UBE2D2: variants seen among roughly 807,000 people sequenced by gnomAD.
UBE2D2 encodes ubiquitin conjugating enzyme E2 D2.
In UBE2D2, 2 loss-of-function variants were observed where a neutral mutation model predicts 24.2. The observed-to-expected ratio is 0.08, with a 90% CI of 0.03 to 0.26. The LOEUF (loss-of-function observed/expected upper bound fraction) is 0.26. Among genes scored for constraint, UBE2D2 ranks in the 10% least tolerant of loss-of-function variants. UBE2D2 has a pLI of 1.00. For synonymous variants in UBE2D2, 58 were observed against 56.5 expected, an observed-to-expected ratio of 1.03 and a Z score of -0.12; for missense variants, 44 against 177.6, an observed-to-expected ratio of 0.25 and a Z score of 4.28.
In UBE2D2 at chr5:139,548,193, A is replaced by AAAAAAAAAAAAAAAAATAAAT; in HGVS notation, c.-64+21584_-64+21585insAAAAAAAAAAAAATAAATAAA. ...AAAAAAAAAAAAAAAATAAAAAAAA[A>AAAAAAAAAAAAAAAAATAAAT]AAATAAATAAATAAATAAATAAACG... On this transcript the variant is annotated intron_variant, in intron 1 of 6. Coordinates refer to the UBE2D2 transcript ENST00000511725. Among the ~76,000 whole-genome samples the AAAAAAAAAAAAAAAAATAAAT allele has an allele frequency of 1.2e-3, 55 of 47,062 alleles. 3 individuals carry two copies. The highest frequency in any genetic ancestry group is 1.6e-3 in the Non-Finnish European group (43 of 26,330). 30.9% of individuals were successfully genotyped at this position (47,062 alleles called of 152,430 possible).
intron 1 of UBE2D2, among the ~76,000 whole-genome samples, chr5:139,562,810 G>A (rs954590271): frequency 4.6e-5 from 7 of 151,936 alleles, no homozygotes; most frequent in African/African-American, 1.5e-4. Flanking sequence ...TTCTGATGTT[G>A]TAACCTCTTA....
intron 4 of UBE2D2, 31 bp from the exon 5 acceptor site, chr5:139,614,830 A>G (rs1179633293): frequency 1.2e-6 from 2 of 1,611,278 alleles, no homozygotes; most frequent in Non-Finnish European, 1.7e-6. Flanking sequence ...CTAATAAACT[A>G]GTTTACAGAA....
At chr5:139,533,786 C>CT (rs35051568) in intron 1 of UBE2D2, among the ~76,000 whole-genome samples, 17,451 of 145,174 alleles carry the variant, frequency 0.12, 1,137 homozygotes, top group African/African-American at 0.17. Context: ...TAAAAAACAT[C>CT]TTTTTTTTTT....
intron 1 of UBE2D2, among the ~76,000 whole-genome samples, chr5:139,569,570 A>G (rs980199367): frequency 2.6e-5 from 4 of 152,238 alleles, no homozygotes; most frequent in Non-Finnish European, 2.9e-5. Flanking sequence ...TTTGATGGTT[A>G]GATTTCCAGG....
At chr5:139,619,629 C>CGAGATGCGCAGATCACT (rs1198606488) in intron 5 of UBE2D2, among the ~76,000 whole-genome samples, 1 of 151,988 alleles carries the variant, frequency 6.6e-6, no homozygotes, top group Non-Finnish European at 1.5e-5. Flanking sequence ...TTTGGGAGGC[C>CGAGATGCGCAGATCACT]GAGATGCGCA....
chr5:139,561,742 T>G lies in UBE2D2; in HGVS notation c.-50T>G, dbSNP rs1217310279. The G allele has an allele frequency of 1.0e-4, 127 of 1,219,216 alleles. No homozygotes were observed. The highest frequency in any genetic ancestry group is 2.0e-4 in the African/African-American group (12 of 60,188). The allele number at this position is 1,219,216 out of a possible 1,614,324, so 75.5% of individuals were successfully genotyped here. A position where few individuals can be genotyped will look rare whatever the true frequency, so the allele number is the denominator to read the frequency against. On this transcript the variant is annotated 5_prime_UTR_variant, in exon 1 of 7. Transcript: ENST00000398733. Reference sequence around the variant, plus strand: ...GGCTCCCTAGCCCCTTCCCCGTCCCTTCCCCGCCCCCGTCCCCGCCCCGGG... The same window carrying G: ...GGCTCCCTAGCCCCTTCCCCGTCCCGTCCCCGCCCCCGTCCCCGCCCCGGG...
intron 1 of UBE2D2, among the ~76,000 whole-genome samples, chr5:139,574,016 T>C (rs1366557520): frequency 6.6e-6 from 1 of 151,504 alleles, no homozygotes; most frequent in East Asian, 1.9e-4. Context: ...CTCCTAGATA[T>C]AAGTCAATTG....
At chr5:139,549,346 A>T (rs1752874789) in intron 1 of UBE2D2, among the ~76,000 whole-genome samples, 1 of 152,118 alleles carries the variant, frequency 6.6e-6, no homozygotes, top group African/African-American at 2.4e-5. Flanking sequence ...GTGTGGAGGG[A>T]GAGGCCCAGG....
At chr5:139,625,279 T>G (rs1001896848) in intron 6 of UBE2D2, among the ~76,000 whole-genome samples, 7 of 129,970 alleles carry the variant, frequency 5.4e-5, no homozygotes, top group African/African-American at 1.7e-4. Context: ...CTAATTTGTT[T>G]TTTTTTTTTT....
At chr5:139,543,676 G>A (rs1049755321) in intron 1 of UBE2D2, among the ~76,000 whole-genome samples, 2 of 152,224 alleles carry the variant, frequency 1.3e-5, no homozygotes, top group African/African-American at 2.4e-5. Flanking sequence ...AAAGTGATAC[G>A]GTTCACGCCG....
intron 1 of UBE2D2, among the ~76,000 whole-genome samples, chr5:139,529,190 T>C (rs1403570614): frequency 6.6e-6 from 1 of 152,132 alleles, no homozygotes; most frequent in Non-Finnish European, 1.5e-5. Context: ...TAACACTCAG[T>C]ATAAAGTAGG....
upstream of UBE2D2, among the ~76,000 whole-genome samples, chr5:139,557,610 G>A (rs1389700506): frequency 7.9e-5 from 12 of 151,652 alleles, no homozygotes; most frequent in Non-Finnish European, 2.9e-5. Context: ...TTAGCCAGGC[G>A]TTGTGGTGCA....
At chr5:139,548,951 C>T (rs1278941847) in intron 1 of UBE2D2, among the ~76,000 whole-genome samples, 1 of 151,810 alleles carries the variant, frequency 6.6e-6, no homozygotes, top group Non-Finnish European at 1.5e-5. Context: ...CGGGTTCAAG[C>T]GATTCTCCTG....
At chr5:139,589,286 C>T (rs569467991) in intron 1 of UBE2D2, among the ~76,000 whole-genome samples, 3 of 151,708 alleles carry the variant, frequency 2.0e-5, no homozygotes, top group Non-Finnish European at 2.9e-5. Flanking sequence ...AGCCCGGGCA[C>T]GGTGGCTCGT....
chr5:139,540,993 C>CA (rs969269701), intron 1 of UBE2D2, among the ~76,000 whole-genome samples: 103 of 137,020 alleles, frequency 7.5e-4, no homozygotes, highest in East Asian at 1.3e-3. Flanking sequence ...AACTCAGTCT[C>CA]AAAAAAAAAA....
intron 1 of UBE2D2, among the ~76,000 whole-genome samples, chr5:139,549,221 G>A (rs555076566): frequency 1.3e-5 from 2 of 152,246 alleles, no homozygotes; most frequent in African/African-American, 2.4e-5. Flanking sequence ...GCGCCTCCTC[G>A]GCCTCGGCGT....
At chr5:139,550,701 T>C (rs1476235782) in intron 1 of UBE2D2, among the ~76,000 whole-genome samples, 7 of 150,996 alleles carry the variant, frequency 4.6e-5, no homozygotes, top group East Asian at 2.0e-4. Context: ...ACCGAGACCA[T>C]GAACCCATGG....
At chr5:139,568,205 G>A (rs1306165945) in intron 1 of UBE2D2, among the ~76,000 whole-genome samples, 2 of 152,002 alleles carry the variant, frequency 1.3e-5, no homozygotes, top group African/African-American at 4.8e-5. Context: ...TTAGCCAGGT[G>A]TGGTGGCACT....
At position 139,591,021 on chromosome 5, in the gene UBE2D2, T is replaced by C. The variant is rs183020134; in HGVS notation, c.25-9351T>C. Among the ~76,000 whole-genome samples the C allele has an allele frequency of 1.3e-3, 203 of 151,458 alleles. 1 individual carries two copies. Among genetic ancestry groups the C allele is most frequent in the African/African-American group, 4.7e-3 (194 of 41,304 alleles). On this transcript the variant is annotated intron_variant, in intron 1 of 6. Transcript: ENST00000398733. ...CATGCTGGTCAGGCTGGTCTCGAAC[T>C]CCTGACCTCAGGTGATCCGCCTGCC...
Sources: gnomAD v4.1 joint callset for allele counts (sites outside exome capture counted in the v4.1 genomes callset) on GRCh38, gnomAD v4.1.1 for gene constraint, MANE v1.5 for transcripts, NCBI Gene and HGNC (gene_info 2026-07-23, HGNC 2026-07-21) for gene names.